Variants in NTRK3 observed in about 807,000 individuals in gnomAD.
NTRK3 encodes NT-3 growth factor receptor.
In NTRK3, 24 loss-of-function variants were observed where a neutral mutation model predicts 91.7. The observed-to-expected ratio is 0.26, with a 90% CI of 0.19 to 0.37. The LOEUF (loss-of-function observed/expected upper bound fraction) is 0.37, where lower values mean the gene tolerates loss of function less well. Among genes scored for constraint, NTRK3 ranks in the 10% least tolerant of loss-of-function variants. The probability of loss-of-function intolerance (pLI) is 1.00; values close to 1 mark genes in which losing one functional copy is unlikely to be tolerated. For missense variants in NTRK3, 880 were observed against 1,068.9 expected (o/e 0.82, Z 2.46); for synonymous variants, 483 against 404.0 (o/e 1.20, Z -2.34).
chr15:88,137,483 C>T (rs961685956), exon 7 of NTRK3: 1 of 1,614,212 alleles, frequency 6.2e-7, no homozygotes, highest in Non-Finnish European at 8.5e-7. Flanking sequence ...GGCTGTTGAG[C>T]TTGGCCTCCC....
intron 3 of NTRK3, among the ~76,000 whole-genome samples, chr15:88,210,836 A>C (rs1398424324): frequency 1.3e-5 from 2 of 152,218 alleles, no homozygotes; most frequent in Admixed American, 6.5e-5. Flanking sequence ...CTCCTGGGAC[A>C]GCTGCCACCT....
intron 10 of NTRK3, among the ~76,000 whole-genome samples, chr15:88,132,413 G>C (rs1233106099): frequency 6.6e-6 from 1 of 152,184 alleles, no homozygotes. Flanking sequence ...TAGAGGCACA[G>C]AGAAGTGATT....
At chr15:88,067,855 T>A (rs1335868751) in intron 13 of NTRK3, among the ~76,000 whole-genome samples, 1 of 152,170 alleles carries the variant, frequency 6.6e-6, no homozygotes, top group East Asian at 1.9e-4. Flanking sequence ...ACATGAAAAG[T>A]CCTTGACACA....
At chr15:87,896,561 T>C (rs994375338) in intron 17 of NTRK3, among the ~76,000 whole-genome samples, 1 of 152,146 alleles carries the variant, frequency 6.6e-6, no homozygotes, top group Non-Finnish European at 1.5e-5. Flanking sequence ...GACAGTTCTA[T>C]AGTTTTCCTT....
chr15:88,032,415 G>A (rs1016810396), intron 14 of NTRK3, among the ~76,000 whole-genome samples: 1 of 152,116 alleles, frequency 6.6e-6, no homozygotes, highest in Non-Finnish European at 1.5e-5. Flanking sequence ...CTAGAGAGAT[G>A]TTTCCATTCA....
intron 14 of NTRK3, among the ~76,000 whole-genome samples, chr15:87,975,270 G>C (rs1479588208): frequency 6.6e-6 from 1 of 152,032 alleles, no homozygotes; most frequent in Admixed American, 6.6e-5. Flanking sequence ...ATTTCACCTT[G>C]TTTCTACAAG....
intron 5 of NTRK3, among the ~76,000 whole-genome samples, chr15:88,170,729 C>T (rs1437400832): frequency 6.6e-6 from 1 of 152,184 alleles, no homozygotes; most frequent in South Asian, 2.1e-4. Flanking sequence ...AGGGTCCCAA[C>T]AGGCCCACTG....
intron 14 of NTRK3, among the ~76,000 whole-genome samples, chr15:87,947,170 T>A (rs1328236055): frequency 6.6e-6 from 1 of 152,032 alleles, no homozygotes; most frequent in African/African-American, 2.4e-5. Flanking sequence ...TCAGCCACCG[T>A]GCCCGGCCCT....
intron 15 of NTRK3, 120 bp downstream of exon 15, chr15:87,940,503 T>G (rs1238978939): frequency 7.9e-6 from 12 of 1,511,292 alleles, no homozygotes; most frequent in African/African-American, 1.4e-5. Context: ...GCAAAGTCCT[T>G]TGATTGCATC....
At chr15:88,149,100 G>A (rs142654012) in intron 5 of NTRK3, among the ~76,000 whole-genome samples, 1 of 152,166 alleles carries the variant, frequency 6.6e-6, no homozygotes, top group South Asian at 2.1e-4. Context: ...TCATGGGAGA[G>A]GTTGGGGCTG....
chr15:88,209,230 C>A (rs1028346581), intron 3 of NTRK3, among the ~76,000 whole-genome samples: 2 of 152,284 alleles, frequency 1.3e-5, no homozygotes, highest in Non-Finnish European at 2.9e-5. Context: ...GAAGCAGCTG[C>A]CCCAAACCTC....
rs186859406 is a variant in NTRK3, at chr15:88,200,572, T to C, written c.249-16273A>G. ...ATGGGTGAGTTCTCACAAGATCTGATGGTTTTATAAGGGGCTCTTCCCTCT... is the reference window on the plus strand; with the variant it reads ...ATGGGTGAGTTCTCACAAGATCTGACGGTTTTATAAGGGGCTCTTCCCTCT... On this transcript the variant is annotated intron_variant, in intron 3 of 18. Coordinates refer to ENST00000394480, the Ensembl canonical transcript of NTRK3. Among the ~76,000 whole-genome samples the C allele has an allele frequency of 9.2e-5, 14 of 152,302 alleles. 1 individual carries two copies. The highest frequency in any genetic ancestry group is 3.1e-4 in the African/African-American group (13 of 41,570).
At chr15:88,138,561 C>T (rs777754394) in intron 6 of NTRK3, among the ~76,000 whole-genome samples, 2 of 152,158 alleles carry the variant, frequency 1.3e-5, no homozygotes, top group Non-Finnish European at 2.9e-5. Flanking sequence ...CCCTCACTCC[C>T]TCCTCCTCTT....
At chr15:88,016,994 T>C (rs1596720965) in intron 14 of NTRK3, among the ~76,000 whole-genome samples, 2 of 145,438 alleles carry the variant, frequency 1.4e-5, no homozygotes, top group African/African-American at 5.1e-5. Context: ...CCTGACCAAA[T>C]TCCCCATGGA....
chr15:88,125,858 C>G (rs1312843355), intron 13 of NTRK3, among the ~76,000 whole-genome samples: 1 of 152,220 alleles, frequency 6.6e-6, no homozygotes, highest in East Asian at 1.9e-4. Context: ...CTACATCTTG[C>G]TGTGCTGACG....
At chr15:88,060,013 T>C (rs778061339) in intron 13 of NTRK3, among the ~76,000 whole-genome samples, 31 of 152,014 alleles carry the variant, frequency 2.0e-4, no homozygotes, top group Non-Finnish European at 4.3e-4. Flanking sequence ...TAGATTTCTG[T>C]TGTTAAAGCC....
rs370947389 is a variant in NTRK3, at chr15:88,041,865, A to G, written c.1397-8820T>C. Among the ~76,000 whole-genome samples, 568 of 150,694 alleles carry G rather than the reference A, an allele frequency of 3.8e-3. 35 individuals are homozygous for G. The South Asian group carries it at 0.1, about 27-fold the overall frequency. On this transcript the variant is annotated intron_variant, in intron 13 of 18. Transcript: ENST00000394480. Reference sequence around the variant, plus strand: ...AAAAAAAAAGGGCTTGTCGTCCTCAATGATATAATCCATTTTTAAAATGCC... The same window carrying G: ...AAAAAAAAAGGGCTTGTCGTCCTCAGTGATATAATCCATTTTTAAAATGCC...
At chr15:87,981,288 G>A (rs2074245537) in intron 14 of NTRK3, 1 of 1,593,184 alleles carries the variant, frequency 6.3e-7, no homozygotes, top group Non-Finnish European at 8.6e-7. Context: ...TATATAGTGA[G>A]TTGATGGGAC....
chr15:88,232,828 A>G (rs1293426171), intron 3 of NTRK3, among the ~76,000 whole-genome samples: 1 of 152,148 alleles, frequency 6.6e-6, no homozygotes, highest in Non-Finnish European at 1.5e-5. Context: ...GAGCTGGGAG[A>G]AGCTGGGATC....
Sources: gnomAD v4.1 joint callset for allele counts (sites outside exome capture counted in the v4.1 genomes callset) on GRCh38, gnomAD v4.1.1 for gene constraint, MANE v1.5 for transcripts, NCBI Gene and HGNC (gene_info 2026-07-23, HGNC 2026-07-21) for gene names.